MSH4: variants seen among roughly 807,000 people sequenced by gnomAD.
MSH4 encodes the protein mutS homolog 4, also known as mutS protein homolog 4.
A neutral mutation model predicts 113.7 loss-of-function variants in MSH4; 106 were observed. That is an observed-to-expected ratio of 0.93 (90% CI 0.80 to 1.10). The LOEUF (loss-of-function observed/expected upper bound fraction) is 1.10, where lower values mean the gene tolerates loss of function less well. Ranked by LOEUF, MSH4 falls within the 50% of genes least tolerant of loss-of-function variation. The pLI is 0.00. For synonymous variants in MSH4, 368 were observed against 380.2 expected (o/e 0.97, Z 0.37); for missense variants, 1,061 against 1,093.7 (o/e 0.97, Z 0.42).
chr1:75,906,258 CTT>C (rs1377002124), intron 19 of MSH4, among the ~76,000 whole-genome samples: 2 of 149,998 alleles, frequency 1.3e-5, no homozygotes, highest in Non-Finnish European at 3.0e-5. Flanking sequence ...TTTAGACACT[CTT>C]ATGTCTTTTA....
At position 75,848,740 on chromosome 1, in the gene MSH4, A is replaced by C. The variant is rs540860610; in HGVS notation, c.1230+464A>C. 8.6e-5 allele frequency among the ~76,000 whole-genome samples: 13 copies of C among 152,010 alleles called. No individual in the cohort carries two copies. In the East Asian group the frequency reaches 1.2e-3, roughly 14 times the overall value. ...GGTAACATAGTGAGGCCTTGTCACA[A>C]AAAAAAATTGCTTTTTAGATAGTTG... On this transcript the variant is annotated intron_variant, in intron 8 of 19. Transcript: ENST00000263187.
At chr1:75,802,970 C>A (rs1457810206) in intron 1 of MSH4, among the ~76,000 whole-genome samples, 2 of 151,998 alleles carry the variant, frequency 1.3e-5, no homozygotes, top group African/African-American at 4.8e-5. Flanking sequence ...AACCACCAGT[C>A]CTACTCTCGT....
chr1:75,818,151 T>C (rs868773621), intron 6 of MSH4, among the ~76,000 whole-genome samples: 3 of 152,330 alleles, frequency 2.0e-5, no homozygotes, highest in South Asian at 2.1e-4. Flanking sequence ...AACATATTAA[T>C]AGTAGTCATA....
At chr1:75,850,676 G>C (rs951807689) in intron 8 of MSH4, among the ~76,000 whole-genome samples, 1 of 152,028 alleles carries the variant, frequency 6.6e-6, no homozygotes, top group Non-Finnish European at 1.5e-5. Flanking sequence ...AAGTTGTGTG[G>C]TAGTGTTCTT....
chr1:75,837,624 G>T (rs1335433614), intron 7 of MSH4, among the ~76,000 whole-genome samples: 1 of 152,030 alleles, frequency 6.6e-6, no homozygotes, highest in Non-Finnish European at 1.5e-5. Flanking sequence ...CTGACCTCAG[G>T]TGATCCACCA....
intron 8 of MSH4, among the ~76,000 whole-genome samples, chr1:75,862,531 T>G (rs1388624142): frequency 6.6e-6 from 1 of 152,210 alleles, no homozygotes; most frequent in Non-Finnish European, 1.5e-5. Context: ...TGGAGGCTTT[T>G]TGTTAAGACT....
chr1:75,827,725 G>A (rs372522867), intron 7 of MSH4, among the ~76,000 whole-genome samples: 1 of 151,344 alleles, frequency 6.6e-6, no homozygotes, highest in East Asian at 1.9e-4. Flanking sequence ...TGATAAAATG[G>A]ACTTTAAACC....
chr1:75,864,206 T>C (rs1651516782), intron 8 of MSH4, among the ~76,000 whole-genome samples: 1 of 152,208 alleles, frequency 6.6e-6, no homozygotes, highest in South Asian at 2.1e-4. Context: ...AGCTCATTTA[T>C]TTTCACTGCT....
At chr1:75,872,654 A>G (rs1381538201) in intron 9 of MSH4, among the ~76,000 whole-genome samples, 1 of 152,246 alleles carries the variant, frequency 6.6e-6, no homozygotes, top group South Asian at 2.1e-4. Flanking sequence ...CAGTGAACAC[A>G]TGCCACTTAA....
At chr1:75,910,073 C>T (rs930063150) in intron 19 of MSH4, among the ~76,000 whole-genome samples, 2 of 152,056 alleles carry the variant, frequency 1.3e-5, no homozygotes, top group Non-Finnish European at 2.9e-5. Context: ...TTAGATTTCT[C>T]CCCTAAAATT....
At chr1:75,798,162 A>G (rs966560884) in intron 1 of MSH4, among the ~76,000 whole-genome samples, 5 of 152,126 alleles carry the variant, frequency 3.3e-5, no homozygotes, top group Admixed American at 3.3e-4. Flanking sequence ...GAGTCTCGCT[A>G]TGCTGCCCAT....
At position 75,883,662 on chromosome 1, in the gene MSH4, T is replaced by C. The variant is rs771550834; in HGVS notation, c.1948T>C (p.Trp650Arg). The C allele has an allele frequency of 6.2e-7, 1 of 1,613,352 alleles. No individual in the cohort carries two copies. Among genetic ancestry groups the C allele is most frequent in the Non-Finnish European group, 8.5e-7 (1 of 1,179,646 alleles). ...FTDTLAIKQG[W>R]HPILEKISAE... is the part of the protein sequence containing the mutation. ...TGATACTTTAGCAATCAAACAGGGA[T>C]GGCATCCTATTCTTGAAAAAATATC... Residue 650 changes from tryptophan (W) to arginine (R), a missense_variant, in exon 15 of 20, where the codon TGG becomes CGG. Physicochemically the swap from Trp to Arg is moderately radical, Grantham distance 101. Transcript: ENST00000263187.
chr1:75,841,923 ACT>A (rs1216700644), intron 7 of MSH4, among the ~76,000 whole-genome samples: 11 of 152,292 alleles, frequency 7.2e-5, no homozygotes, highest in Admixed American at 4.6e-4. Context: ...AAAGAGCCAA[ACT>A]CTGTAAAATA....
At position 75,879,036 on chromosome 1, in the gene MSH4, A is replaced by C; in HGVS notation, c.1585A>C (p.Thr529Pro). 6.2e-7 allele frequency: 1 copy of C among 1,610,356 alleles called. No homozygotes were observed. Among genetic ancestry groups the C allele is most frequent in the Non-Finnish European group, 8.5e-7 (1 of 1,176,826 alleles). The change falls in exon 12 of 20, where the codon ACA becomes CCA. Residue 529 changes from threonine to proline, a missense_variant. Physicochemically the swap from Thr to Pro is conservative, Grantham distance 38. Transcript: ENST00000263187. The stretch of plus-strand genomic sequence containing the variant: ...AGAAAAATATAGTCTACCTTTAAGG[A>C]CAAGTTTTAGCTCTGCTCGAGGATT... ...LGEKYSLPLR[T>P]SFSSARGFFI...
intron 12 of MSH4, among the ~76,000 whole-genome samples, chr1:75,879,340 G>C (rs888903141): frequency 2.0e-5 from 3 of 152,062 alleles, no homozygotes; most frequent in African/African-American, 7.2e-5. Flanking sequence ...ACAGTTCTGG[G>C]AGCTTGGTGT....
At chr1:75,807,591 A>G (rs1650096476) in intron 3 of MSH4, among the ~76,000 whole-genome samples, 1 of 152,202 alleles carries the variant, frequency 6.6e-6, no homozygotes, top group Non-Finnish European at 1.5e-5. Flanking sequence ...TGTACACAAG[A>G]TAGTTGCATC....
chr1:75,816,228 G>A, intron 5 of MSH4, 145 bp from the exon 6 acceptor site: 1 of 438,946 alleles, frequency 2.3e-6, no homozygotes, highest in Non-Finnish European at 3.9e-6. Flanking sequence ...TATTTACCTA[G>A]TTTTCAAAAA....
intron 6 of MSH4, among the ~76,000 whole-genome samples, chr1:75,821,641 ACT>A (rs1169605952): frequency 6.6e-6 from 1 of 152,130 alleles, no homozygotes; most frequent in African/African-American, 2.4e-5. Flanking sequence ...ACAAGATCTC[ACT>A]CTGTCTCCAC....
At chr1:75,858,430 G>C (rs1651373605) in intron 8 of MSH4, among the ~76,000 whole-genome samples, 1 of 152,142 alleles carries the variant, frequency 6.6e-6, no homozygotes, top group Non-Finnish European at 1.5e-5. Flanking sequence ...ATTATGTTGA[G>C]ATACATTCCA....
Sources: gnomAD v4.1 joint callset for allele counts (sites outside exome capture counted in the v4.1 genomes callset) on GRCh38, gnomAD v4.1.1 for gene constraint, MANE v1.5 for transcripts, NCBI Gene and HGNC (gene_info 2026-07-23, HGNC 2026-07-21) for gene names.